The following SLC39A11 variants were observed in gnomAD, a reference collection of about 807,000 sequenced individuals.
The protein encoded by SLC39A11 is zinc transporter ZIP11.
A neutral mutation model predicts 36.1 loss-of-function variants in SLC39A11; 33 were observed. The ratio of observed to expected loss-of-function variants is 0.91; its 90% confidence interval spans 0.69 to 1.22. SLC39A11 has a LOEUF of 1.22. SLC39A11 is among the 50% of genes most tolerant of loss of function. SLC39A11 has a pLI of 0.00. For missense variants in SLC39A11, 432 were observed against 430.3 expected, an observed-to-expected ratio of 1.00 and a Z score of -0.03; for synonymous variants, 166 against 170.3, an observed-to-expected ratio of 0.97 and a Z score of 0.20.
intron 7 of SLC39A11, among the ~76,000 whole-genome samples, chr17:72,734,090 T>C (rs574991295): frequency 6.6e-6 from 1 of 152,192 alleles, no homozygotes; most frequent in South Asian, 2.1e-4. Flanking sequence ...GCTACTCAAG[T>C]GGGAAATCCT....
At chr17:72,939,464 A>AAC (rs1444843693) in intron 5 of SLC39A11, among the ~76,000 whole-genome samples, 1 of 151,458 alleles carries the variant, frequency 6.6e-6, no homozygotes, top group Non-Finnish European at 1.5e-5. Context: ...TCTCGAAAAA[A>AAC]AAAAAAGAAT....
chr17:73,086,261 G>T (rs1318550453), intron 2 of SLC39A11, among the ~76,000 whole-genome samples: 7 of 151,954 alleles, frequency 4.6e-5, no homozygotes, highest in Non-Finnish European at 1.0e-4. Context: ...ACTTATATTA[G>T]GTTGGTGCAA....
At chr17:72,943,476 C>T (rs2085246272) in intron 5 of SLC39A11, among the ~76,000 whole-genome samples, 1 of 152,092 alleles carries the variant, frequency 6.6e-6, no homozygotes, top group African/African-American at 2.4e-5. Flanking sequence ...TTCTTATTGC[C>T]AAGTGAATTT....
chr17:72,862,856 G>C (rs968666072), intron 5 of SLC39A11, among the ~76,000 whole-genome samples: 2 of 152,202 alleles, frequency 1.3e-5, no homozygotes, highest in Non-Finnish European at 2.9e-5. Flanking sequence ...GGAGCAGACT[G>C]TGAGTAGCTG....
chr17:73,002,488 T>G (rs11077651), intron 4 of SLC39A11, among the ~76,000 whole-genome samples: 24,215 of 152,146 alleles, frequency 0.16, 2,411 homozygotes, highest in Non-Finnish European at 0.2. Context: ...CTGTTCTATT[T>G]TGAGCTTTTA....
intron 5 of SLC39A11, among the ~76,000 whole-genome samples, chr17:72,946,946 TCC>T (rs1297772316): frequency 2.7e-4 from 41 of 152,350 alleles, no homozygotes; most frequent in African/African-American, 9.6e-4. Flanking sequence ...AGGGACGCAT[TCC>T]CTCTAACTCA....
chr17:72,701,539 C>T (rs1003710172), intron 7 of SLC39A11, among the ~76,000 whole-genome samples: 3 of 151,606 alleles, frequency 2.0e-5, no homozygotes, highest in Non-Finnish European at 4.4e-5. Context: ...ACCAGCCTGG[C>T]CAACATGGTG....
intron 6 of SLC39A11, among the ~76,000 whole-genome samples, chr17:72,764,500 G>A (rs1315955198): frequency 6.6e-6 from 1 of 152,142 alleles, no homozygotes; most frequent in Non-Finnish European, 1.5e-5. Context: ...TGGGTCCTTA[G>A]GGGGATGACA....
At chr17:72,910,589 A>C (rs1356635096) in intron 5 of SLC39A11, among the ~76,000 whole-genome samples, 2 of 129,818 alleles carry the variant, frequency 1.5e-5, no homozygotes, top group Admixed American at 1.9e-4. Flanking sequence ...GTGTCACTGC[A>C]CCCCATCCTG....
At chr17:72,973,342 C>T (rs1294630447) in intron 4 of SLC39A11, among the ~76,000 whole-genome samples, 1 of 151,772 alleles carries the variant, frequency 6.6e-6, no homozygotes. Context: ...TACTCTGTCA[C>T]CTGAGTGATG....
intron 7 of SLC39A11, among the ~76,000 whole-genome samples, chr17:72,681,581 A>G (rs1280260558): frequency 1.3e-5 from 2 of 152,196 alleles, no homozygotes; most frequent in African/African-American, 4.8e-5. Flanking sequence ...ACAAGCGAGA[A>G]ATAACCATTT....
chr17:72,957,816 C>G (rs2086341999), intron 4 of SLC39A11, among the ~76,000 whole-genome samples: 1 of 47,194 alleles, frequency 2.1e-5, no homozygotes, highest in Admixed American at 3.4e-4. Flanking sequence ...GAGACCCTGT[C>G]TCAAAAAAAA....
intron 6 of SLC39A11, among the ~76,000 whole-genome samples, chr17:72,783,004 C>CA (rs34750819): frequency 0.1 from 8,302 of 80,980 alleles, 1,135 homozygotes; most frequent in African/African-American, 0.24. Context: ...TCTGTCTCAA[C>CA]AAAAAAAAAA....
At chr17:72,740,850 C>T (rs2074664012) in intron 6 of SLC39A11, among the ~76,000 whole-genome samples, 1 of 152,088 alleles carries the variant, frequency 6.6e-6, no homozygotes, top group South Asian at 2.1e-4. Flanking sequence ...TCTTGGCTCA[C>T]CGCAACCTCC....
At chr17:72,700,346 G>A (rs2072551734) in intron 7 of SLC39A11, among the ~76,000 whole-genome samples, 1 of 152,354 alleles carries the variant, frequency 6.6e-6, no homozygotes, top group Non-Finnish European at 1.5e-5. Flanking sequence ...TCTTTGGGCA[G>A]TAAGTACAGC....
chr17:72,894,360 CAAAAAAAAAAAAA>C (rs57105586), intron 5 of SLC39A11, among the ~76,000 whole-genome samples: 29 of 29,690 alleles, frequency 9.8e-4, no homozygotes, highest in Admixed American at 2.3e-3. Context: ...GACTCTGTCT[CAAAAAAAAAAAAA>C]AAAAAAAAAA....
intron 3 of SLC39A11, among the ~76,000 whole-genome samples, chr17:73,083,230 C>T (rs2060605825): frequency 6.6e-6 from 1 of 152,084 alleles, no homozygotes; most frequent in Non-Finnish European, 1.5e-5. Context: ...GCTGGCTTCC[C>T]CGGCATTCTC....
At chr17:73,020,680 C>CTTTTTTT (rs71154945) in intron 4 of SLC39A11, among the ~76,000 whole-genome samples, 3,156 of 98,556 alleles carry the variant, frequency 0.032, 30 homozygotes, top group Non-Finnish European at 0.043. Context: ...TTGTTTCTTT[C>CTTTTTTT]TTTTTTTTTT....
chr17:72,704,618 T>C (rs980746395), intron 7 of SLC39A11, among the ~76,000 whole-genome samples: 1 of 152,168 alleles, frequency 6.6e-6, no homozygotes, highest in Non-Finnish European at 1.5e-5. Flanking sequence ...CAAAGCGCCA[T>C]CTGTGTGCAT....
Sources: gnomAD v4.1 joint callset for allele counts (sites outside exome capture counted in the v4.1 genomes callset) on GRCh38, gnomAD v4.1.1 for gene constraint, MANE v1.5 for transcripts, NCBI Gene and HGNC (gene_info 2026-07-23, HGNC 2026-07-21) for gene names.